Variants in EPM2A observed in about 807,000 individuals in gnomAD.
EPM2A encodes laforin.
EPM2A carries 21 observed loss-of-function variants against 26.5 expected under a neutral mutation model. That is an observed-to-expected ratio of 0.79 (90% CI 0.56 to 1.14). EPM2A has a LOEUF of 1.14. EPM2A is among the 50% of genes most tolerant of loss of function. The pLI, the probability that EPM2A is intolerant of heterozygous loss-of-function variation, is 0.00. For missense variants in EPM2A, 458 were observed against 440.8 expected (o/e 1.04, Z -0.35); for synonymous variants, 217 against 177.6 (o/e 1.22, Z -1.76).
At chr6:145,400,485 A>G (rs1026152313) in intron 4 of EPM2A, among the ~76,000 whole-genome samples, 24 of 151,816 alleles carry the variant, frequency 1.6e-4, no homozygotes, top group African/African-American at 5.6e-4. Context: ...CCTAATATTG[A>G]CCCCCGCCCT....
rs1311173344 is a variant in EPM2A at position 145,519,836 on chromosome 6, TCATTAGCCG to T, written c.341-17270_341-17262del. ...CTCATTCAATCCTCATAGAATCCTATCATTAGCCGCATTCTGAAGATGAAGAAATGTAGG... is the reference window on the plus strand; with the variant it reads ...CTCATTCAATCCTCATAGAATCCTATCATTCTGAAGATGAAGAAATGTAGG... On this transcript the variant is annotated intron_variant, in intron 2 of 3. Transcript: ENST00000450221. Among the ~76,000 whole-genome samples, 31 of 152,334 alleles carry T rather than the reference TCATTAGCCG, an allele frequency of 2.0e-4. 1 individual carries two copies. Among genetic ancestry groups the T allele is most frequent in the Admixed American group, 1.8e-3 (28 of 15,292 alleles).
chr6:145,569,678 C>A lies in EPM2A; in HGVS notation c.340+65567G>T, dbSNP rs141618051. 1.7e-3 allele frequency among the ~76,000 whole-genome samples: 251 copies of A among 152,098 alleles called. 1 individual carries two copies. The highest frequency in any genetic ancestry group is 5.9e-3 in the African/African-American group (244 of 41,494). Reference sequence around the variant, plus strand: ...TATTTGAGTTTTTGCATTTATATGGCCAGATTTTAACAATATATTATTTGA... The same window carrying A: ...TATTTGAGTTTTTGCATTTATATGGACAGATTTTAACAATATATTATTTGA... On this transcript the variant is annotated intron_variant, in intron 2 of 3. Transcript: ENST00000450221.
At chr6:145,615,220 T>A (rs1246793833) in intron 2 of EPM2A, among the ~76,000 whole-genome samples, 1 of 152,148 alleles carries the variant, frequency 6.6e-6, no homozygotes, top group Non-Finnish European at 1.5e-5. Context: ...TGGGGGCAGA[T>A]CTTTCCTGTG....
chr6:145,402,892 G>A (rs1778509501), intron 4 of EPM2A, among the ~76,000 whole-genome samples: 1 of 152,074 alleles, frequency 6.6e-6, no homozygotes, highest in African/African-American at 2.4e-5. Flanking sequence ...TAGCCTAGAA[G>A]TGAGACGTCT....
chr6:145,585,018 T>C (rs1371604879), intron 2 of EPM2A, among the ~76,000 whole-genome samples: 1 of 152,236 alleles, frequency 6.6e-6, no homozygotes, highest in Non-Finnish European at 1.5e-5. Flanking sequence ...TTCCTTTCAG[T>C]ACACTAAATA....
At chr6:145,676,908 A>T (rs1216828650) in intron 2 of EPM2A, among the ~76,000 whole-genome samples, 1 of 152,106 alleles carries the variant, frequency 6.6e-6, no homozygotes, top group Admixed American at 6.5e-5. Context: ...AAAAAAAGGG[A>T]CTCCTCCATA....
At chr6:145,484,138 G>A (rs1298893372) in intron 4 of EPM2A, among the ~76,000 whole-genome samples, 1 of 152,050 alleles carries the variant, frequency 6.6e-6, no homozygotes, top group African/African-American at 2.4e-5. Flanking sequence ...TTCTATTTTA[G>A]TAATTCTGAA....
At chr6:145,638,128 A>G (rs537163424) in intron 2 of EPM2A, 1 of 152,332 alleles carries the variant, frequency 6.6e-6, no homozygotes, top group African/African-American at 2.4e-5. Flanking sequence ...CAGGCAAGCT[A>G]AAATCCAAAT....
At chr6:145,545,167 A>G (rs913402841) in intron 2 of EPM2A, among the ~76,000 whole-genome samples, 1 of 151,058 alleles carries the variant, frequency 6.6e-6, no homozygotes, top group Non-Finnish European at 1.5e-5. Flanking sequence ...TCCTCCTTAC[A>G]TTCACTCTTA....
rs147966159 is a variant in EPM2A at position 145,490,976 on chromosome 6, T to C, written c.555+11546A>G. The C allele has an allele frequency of 1.7e-4, 154 of 880,312 alleles. 1 individual carries two copies. The highest frequency in any genetic ancestry group is 1.7e-3 in the African/African-American group (103 of 59,758). 54.5% of individuals were successfully genotyped at this position (880,312 alleles called of 1,614,324 possible). A position where few individuals can be genotyped will look rare whatever the true frequency, so the allele number is the denominator to read the frequency against. The stretch of plus-strand genomic sequence containing the variant: ...TTGGCAGAATCCACTTCCTCTAATG[T>C]TTTGATGCCTTCATCTTCACTTCAA... On this transcript the variant is annotated intron_variant, in intron 4 of 4. Coordinates refer to the EPM2A transcript ENST00000638717.
At chr6:145,676,749 T>C (rs1459368170) in intron 2 of EPM2A, among the ~76,000 whole-genome samples, 1 of 152,162 alleles carries the variant, frequency 6.6e-6, no homozygotes, top group Non-Finnish European at 1.5e-5. Context: ...AATCTCTGAA[T>C]AGACCAATAA....
At chr6:145,519,382 A>G (rs1412258293) in intron 2 of EPM2A, among the ~76,000 whole-genome samples, 2 of 152,114 alleles carry the variant, frequency 1.3e-5, no homozygotes, top group Non-Finnish European at 2.9e-5. Context: ...CCAGACCTGG[A>G]GATGATTAAA....
intron 4 of EPM2A, among the ~76,000 whole-genome samples, chr6:145,470,475 T>G (rs923309385): frequency 1.3e-5 from 2 of 152,194 alleles, no homozygotes; most frequent in African/African-American, 4.8e-5. Context: ...TTCATTTATA[T>G]GCACTGCTTT....
At chr6:145,433,924 C>T (rs1380786775) in intron 4 of EPM2A, among the ~76,000 whole-genome samples, 1 of 152,030 alleles carries the variant, frequency 6.6e-6, no homozygotes, top group Non-Finnish European at 1.5e-5. Context: ...GTCCCTTCTA[C>T]TGGAAGGGCA....
intron 2 of EPM2A, among the ~76,000 whole-genome samples, chr6:145,603,281 A>T (rs1412704096): frequency 1.6e-5 from 2 of 128,936 alleles, no homozygotes; most frequent in African/African-American, 8.7e-5. Context: ...CTCTAAATTA[A>T]AAAAAAAAAA....
chr6:145,722,424 A>G (rs566935684), intron 1 of EPM2A, among the ~76,000 whole-genome samples: 6 of 152,290 alleles, frequency 3.9e-5, no homozygotes, highest in African/African-American at 1.2e-4. Context: ...TACTGATAAT[A>G]CAAAGATACC....
chr6:145,657,527 C>T (rs988945240), intron 2 of EPM2A, among the ~76,000 whole-genome samples: 1 of 152,096 alleles, frequency 6.6e-6, no homozygotes. Context: ...TTTAATTTTT[C>T]TTTCTGACCT....
At chr6:145,625,139 A>G (rs142834692), downstream of EPM2A, among the ~76,000 whole-genome samples, 72 of 152,290 alleles carry the variant, frequency 4.7e-4, no homozygotes, top group African/African-American at 1.6e-3. Flanking sequence ...GACTTCCTTT[A>G]TCATGTAACT....
chr6:145,698,444 C>A (rs879777815), intron 1 of EPM2A, among the ~76,000 whole-genome samples: 9 of 151,964 alleles, frequency 5.9e-5, no homozygotes, highest in African/African-American at 2.2e-4. Context: ...GGGAAAACTC[C>A]CAGAAGGACC....
Sources: gnomAD v4.1 joint callset for allele counts (sites outside exome capture counted in the v4.1 genomes callset) on GRCh38, gnomAD v4.1.1 for gene constraint, MANE v1.5 for transcripts, NCBI Gene and HGNC (gene_info 2026-07-23, HGNC 2026-07-21) for gene names.